The following CFAP161 variants were observed in gnomAD, a reference collection of about 807,000 sequenced individuals.
The protein encoded by CFAP161 is cilia- and flagella-associated protein 161.
In CFAP161, 25 loss-of-function variants were observed where a neutral mutation model predicts 29.0. The observed-to-expected ratio is 0.86, with a 90% CI of 0.63 to 1.20. The LOEUF is 1.20. Ranked by LOEUF, CFAP161 falls within the 50% of genes most tolerant of loss-of-function variation. CFAP161 has a pLI of 0.00. For missense variants in CFAP161, 367 were observed against 371.9 expected (o/e 0.99, Z 0.11); for synonymous variants, 116 against 137.4 (o/e 0.84, Z 1.09).
Position 81,143,897 on chromosome 15 carries a change from A to T in CFAP161, c.636+77A>T, listed in dbSNP as rs878984240. The stretch of plus-strand genomic sequence containing the variant: ...ATTTATTCCTGTCTATAACACACAG[A>T]CTTATAGCTCAAATGCCTTATGACT... On this transcript the variant is annotated intron_variant, in intron 5 of 6. Transcript: ENST00000286732. The T allele has an allele frequency of 3.4e-6, 5 of 1,461,284 alleles. No individual in the cohort carries two copies. In the South Asian group the frequency reaches 7.0e-5, roughly 20 times the overall value. 90.5% of individuals were successfully genotyped at this position (1,461,284 alleles called of 1,614,324 possible).
chr15:81,106,863 C>A (rs1894379480), intron 1 of CFAP161, among the ~76,000 whole-genome samples: 1 of 151,958 alleles, frequency 6.6e-6, no homozygotes, highest in Non-Finnish European at 1.5e-5. Flanking sequence ...CCCAGGAGTT[C>A]AAGACCAGCT....
chr15:81,136,608 G>A lies in CFAP161; in HGVS notation c.252G>A (p.Val84=). 1.9e-6 allele frequency: 3 copies of A among 1,614,226 alleles called. No homozygotes were observed. Among genetic ancestry groups the A allele is most frequent in the Non-Finnish European group, 2.5e-6 (3 of 1,180,046 alleles). The change falls in exon 3 of 7, where the codon GTG becomes GTA. Residue 84 remains valine, a synonymous_variant. Transcript: ENST00000286732. ...NPDDPDTEAD[V]FLRGDLSLCM... ...ATGATCCTGACACAGAAGCTGATGT[G>A]TTTCTGCGTGGGGACCTGAGCCTGT...
Position 81,143,784 on chromosome 15 carries a change from C to T in CFAP161, c.600C>T (p.Pro200=), listed in dbSNP as rs751163987. ...GCTGGCAGGCTGCCTTCCCTGACCCCCAGTTACGCCTGGAATATGAAGGCT... is the reference window on the plus strand; with the variant it reads ...GCTGGCAGGCTGCCTTCCCTGACCCTCAGTTACGCCTGGAATATGAAGGCT... ...VNCWQAAFPD[P]QLRLEYEGFP... Residue 200 remains proline (P), a synonymous_variant, in exon 5 of 7, where the codon CCC becomes CCT. Coordinates refer to ENST00000286732, the MANE Select transcript of CFAP161 (RefSeq NM_173528.4). 2.3e-5 allele frequency: 37 copies of T among 1,614,020 alleles called. No individual in the cohort carries two copies. The highest frequency in any genetic ancestry group is 3.3e-4 in the Middle Eastern group (2 of 6,080).
chr15:81,129,433 A>G (rs542273474), upstream of CFAP161, among the ~76,000 whole-genome samples: 1 of 152,332 alleles, frequency 6.6e-6, no homozygotes, highest in East Asian at 1.9e-4. Context: ...CACATCTCAC[A>G]TGGTGGCAGA....
At chr15:81,112,166 G>C (rs538479924) in intron 1 of CFAP161, among the ~76,000 whole-genome samples, 2 of 150,904 alleles carry the variant, frequency 1.3e-5, no homozygotes, top group Non-Finnish European at 2.9e-5. Flanking sequence ...AAATACTTGC[G>C]CAAGCCGAGT....
chr15:81,134,130 G>A, upstream of CFAP161: 1 of 574,648 alleles, frequency 1.7e-6, no homozygotes, highest in Non-Finnish European at 3.1e-6. Flanking sequence ...AGAGGTGGAA[G>A]TGGGGCGGGC....
At chr15:81,136,457 T>C (rs1161839119) in intron 2 of CFAP161, 59 bp from the exon 3 acceptor site, 13 of 1,497,000 alleles carry the variant, frequency 8.7e-6, no homozygotes, top group Non-Finnish European at 1.2e-5. Flanking sequence ...AAAATTGCCT[T>C]GGCAGTAACT....
chr15:81,133,898 TGC>T (rs1894758903), upstream of CFAP161, among the ~76,000 whole-genome samples: 1 of 22,728 alleles, frequency 4.4e-5, no homozygotes, highest in Non-Finnish European at 1.6e-4. Flanking sequence ...GCGAAATTGC[TGC>T]TGCTGCTGCT....
chr15:81,142,136 C>T (rs950620078), intron 4 of CFAP161, among the ~76,000 whole-genome samples: 1 of 152,106 alleles, frequency 6.6e-6, no homozygotes, highest in African/African-American at 2.4e-5. Flanking sequence ...TCTTTTCTCC[C>T]TTCATACTGC....
intron 1 of CFAP161, 31 bp downstream of exon 1, chr15:81,134,429 C>T: frequency 6.4e-7 from 1 of 1,561,988 alleles, no homozygotes; most frequent in Non-Finnish European, 8.7e-7. Context: ...CGCAGACCCG[C>T]AGCTCAGGAA....
chr15:81,106,653 C>T (rs923545608), intron 1 of CFAP161, among the ~76,000 whole-genome samples: 28 of 152,324 alleles, frequency 1.8e-4, no homozygotes, highest in South Asian at 4.1e-4. Context: ...GCTGTACCCA[C>T]GAATTGCCAC....
rs1228912339 is a variant in CFAP161, at chr15:81,134,313, C to T, written c.-17C>T. The T allele has an allele frequency of 1.3e-6, 2 of 1,578,322 alleles. No individual in the cohort carries two copies. The highest frequency in any genetic ancestry group is 8.6e-7 in the Non-Finnish European group (1 of 1,162,462). On this transcript the variant is annotated 5_prime_UTR_variant, in exon 1 of 7. Coordinates refer to ENST00000286732, the MANE Select transcript of CFAP161 (RefSeq NM_173528.4). ...ATGGTGTCGGAGGGAGGCCCACTTG[C>T]TGAACAGCAGGGAGCGATGGCGCAG... is the stretch of plus-strand genomic sequence containing the variant.
intron 1 of CFAP161, among the ~76,000 whole-genome samples, chr15:81,101,462 G>A (rs1894302501): frequency 7.2e-6 from 1 of 139,696 alleles, no homozygotes; most frequent in Admixed American, 7.7e-5. Context: ...GGGAGGTGGA[G>A]GTTGCAGTGA....
At chr15:81,125,469 T>A (rs2663914) in intron 1 of CFAP161, among the ~76,000 whole-genome samples, 2 of 151,942 alleles carry the variant, frequency 1.3e-5, no homozygotes, top group South Asian at 4.1e-4. Flanking sequence ...GTCAAACCCC[T>A]ATTCCTTAAA....
At chr15:81,099,758 TAG>T (rs1481985028) in intron 1 of CFAP161, among the ~76,000 whole-genome samples, 6 of 152,200 alleles carry the variant, frequency 3.9e-5, no homozygotes, top group African/African-American at 1.4e-4. Flanking sequence ...AACTGCAGGT[TAG>T]AGAGGCTAAA....
intron 1 of CFAP161, 42 bp from the exon 2 acceptor site, chr15:81,135,228 A>T: frequency 3.1e-5 from 38 of 1,208,972 alleles, no homozygotes; most frequent in Middle Eastern, 2.0e-4. Context: ...TAATACTAAC[A>T]TCTATATTAT....
chr15:81,109,024 A>G (rs1436991390), intron 1 of CFAP161, among the ~76,000 whole-genome samples: 2 of 152,176 alleles, frequency 1.3e-5, no homozygotes, highest in African/African-American at 4.8e-5. Context: ...TTGCCCATGT[A>G]TGATAAGAGG....
intron 1 of CFAP161, among the ~76,000 whole-genome samples, chr15:81,105,157 C>CTCCCATCCG (rs1555448607): frequency 5.3e-5 from 1 of 19,036 alleles, no homozygotes; most frequent in Non-Finnish European, 1.4e-4. Context: ...CCCTCCCTCC[C>CTCCCATCCG]TCCCTTCCTT....
intron 4 of CFAP161, 70 bp downstream of exon 4, chr15:81,138,205 C>T: frequency 8.0e-7 from 1 of 1,248,156 alleles, no homozygotes; most frequent in South Asian, 1.2e-5. Flanking sequence ...TCATAACTAT[C>T]TACTGAAGTG....
Sources: gnomAD v4.1 joint callset for allele counts (sites outside exome capture counted in the v4.1 genomes callset) on GRCh38, gnomAD v4.1.1 for gene constraint, MANE v1.5 for transcripts, NCBI Gene and HGNC (gene_info 2026-07-23, HGNC 2026-07-21) for gene names.